Variants in PES1 observed in about 807,000 individuals in gnomAD.
PES1 encodes the protein pescadillo homolog.
Under a neutral mutation model 77.1 loss-of-function variants are expected in PES1, and 31 were observed. The ratio of observed to expected loss-of-function variants is 0.40; its 90% CI spans 0.30 to 0.54. PES1 has a LOEUF of 0.54. Ranked by LOEUF, PES1 falls within the 20% of genes least tolerant of loss-of-function variation. The pLI is 0.45. For synonymous variants in PES1, 282 were observed against 303.0 expected (o/e 0.93, Z 0.72); for missense variants, 658 against 771.7 (o/e 0.85, Z 1.75).
At chr22:30,590,906 A>G (rs763267563) in intron 1 of PES1, among the ~76,000 whole-genome samples, 2 of 152,196 alleles carry the variant, frequency 1.3e-5, no homozygotes, top group Non-Finnish European at 2.9e-5. Context: ...TCCATCTTGT[A>G]TCTTTGCAGT....
intron 6 of PES1, chr22:30,584,118 G>A (rs1403943034): frequency 7.4e-6 from 4 of 544,000 alleles, no homozygotes; most frequent in African/African-American, 3.8e-5. Flanking sequence ...ACTGTTAACT[G>A]AGGCACAGAG....
At chr22:30,597,463 T>C (rs2087272586) in intron 2 of PES1, among the ~76,000 whole-genome samples, 2 of 151,012 alleles carry the variant, frequency 1.3e-5, no homozygotes, top group African/African-American at 4.9e-5. Flanking sequence ...GTTTTGTAAA[T>C]GCACCAATCT....
rs1003882637 is a variant in PES1, at chr22:30,606,808, C to A, written c.-718+1G>T. 1 of 995,158 alleles carries A rather than the reference C, an allele frequency of 1.0e-6. No individual in the cohort carries two copies. The highest frequency in any genetic ancestry group is 1.2e-6 in the Non-Finnish European group (1 of 835,020). 61.6% of individuals were successfully genotyped at this position (995,158 alleles called of 1,614,324 possible). A position where few individuals can be genotyped will look rare whatever the true frequency, so the allele number is the denominator to read the frequency against. ...CAGCTGACTCCAGCAATGCTGCTCA[C>A]GTGACCACTGCAGCTGCAGCTCCCG... On this transcript the variant is annotated splice_donor_variant, in intron 1 of 16. Transcript: ENST00000402281. LOFTEE classifies it low-confidence loss of function (5UTR_SPLICE).
exon 1 of PES1, chr22:30,606,928 A>C: frequency 9.5e-7 from 1 of 1,051,734 alleles, no homozygotes. Flanking sequence ...CCACCACTGG[A>C]ACAGCTGGGG....
chr22:30,592,685 T>C (rs754054443), upstream of PES1, among the ~76,000 whole-genome samples: 2 of 152,092 alleles, frequency 1.3e-5, no homozygotes, highest in African/African-American at 2.4e-5. Context: ...TAATCCCAGC[T>C]ACTCGGGAGG....
chr22:30,592,733 G>GT (rs1232027364), upstream of PES1, among the ~76,000 whole-genome samples: 1 of 152,210 alleles, frequency 6.6e-6, no homozygotes, highest in African/African-American at 2.4e-5. Flanking sequence ...GGAGGCAGAG[G>GT]TTGCAGTGAG....
intron 4 of PES1, chr22:30,585,116 GC>G: frequency 2.6e-6 from 1 of 388,196 alleles, no homozygotes; most frequent in Non-Finnish European, 5.3e-6. Flanking sequence ...GGAAACCGAA[GC>G]TGCCCTGGTG....
chr22:30,579,996 G>A lies in PES1; in HGVS notation c.1169+57C>T, dbSNP rs909450840. On this transcript the variant is annotated intron_variant, in intron 11 of 14. Coordinates refer to ENST00000354694, the MANE Select transcript of PES1 (RefSeq NM_014303.4). ...GGGCAACTCAGGGTCCTGCTGCATC[G>A]CAGGGCCTTTGAGACAGGATACCCA... 8.7e-6 allele frequency: 14 copies of A among 1,611,410 alleles called. No individual in the cohort carries two copies. The Middle Eastern group carries it at 5.0e-4, about 57-fold the overall frequency.
chr22:30,603,824 T>G (rs2087396306), intron 2 of PES1: 1 of 152,222 alleles, frequency 6.6e-6, no homozygotes, highest in Admixed American at 6.5e-5. Context: ...TGGGTTAATT[T>G]TTAGGCTAGT....
chr22:30,587,117 C>T (rs374257617), intron 4 of PES1, 169 bp downstream of exon 4: 9 of 600,944 alleles, frequency 1.5e-5, no homozygotes, highest in African/African-American at 7.4e-5. Flanking sequence ...CTACAAACCT[C>T]GTAATCATTA....
At chr22:30,601,476 C>T (rs1472443355) in intron 2 of PES1, among the ~76,000 whole-genome samples, 3 of 152,042 alleles carry the variant, frequency 2.0e-5, no homozygotes, top group African/African-American at 7.2e-5. Flanking sequence ...CCATGTTTGG[C>T]TCATTTTTGT....
At chr22:30,581,278 G>T (rs2086983066) in intron 8 of PES1, 56 bp downstream of exon 8, 2 of 1,568,358 alleles carry the variant, frequency 1.3e-6, no homozygotes, top group Non-Finnish European at 1.8e-6. Context: ...CAGAGGTGTT[G>T]GGGACAGAGA....
upstream of PES1, chr22:30,592,145 C>A: frequency 5.1e-6 from 6 of 1,180,646 alleles, no homozygotes; most frequent in Non-Finnish European, 6.3e-6. Context: ...GATGACGATT[C>A]ATTGACTGTG....
intron 2 of PES1, chr22:30,604,068 G>A (rs539127058): frequency 1.3e-5 from 2 of 152,164 alleles, no homozygotes; most frequent in African/African-American, 2.4e-5. Context: ...AGGTCTGGAC[G>A]GCAAAGTGGA....
intron 6 of PES1, among the ~76,000 whole-genome samples, chr22:30,583,345 G>C (rs1054206133): frequency 2.6e-5 from 4 of 152,204 alleles, no homozygotes; most frequent in African/African-American, 4.8e-5. Flanking sequence ...CCACCCACAA[G>C]GGATCATAAG....
At chr22:30,605,105 C>T (rs1366031305) in intron 2 of PES1, among the ~76,000 whole-genome samples, 4 of 152,078 alleles carry the variant, frequency 2.6e-5, no homozygotes, top group Non-Finnish European at 1.5e-5. Flanking sequence ...GTGATCCTCC[C>T]ACTTGTAGCC....
At chr22:30,596,743 G>A (rs555218659), upstream of PES1, among the ~76,000 whole-genome samples, 4 of 152,316 alleles carry the variant, frequency 2.6e-5, no homozygotes, top group South Asian at 4.1e-4. Context: ...CCTCGGCCTC[G>A]GCGCCCATTC....
At chr22:30,583,971 G>A (rs933946458) in intron 6 of PES1, among the ~76,000 whole-genome samples, 8 of 152,244 alleles carry the variant, frequency 5.3e-5, no homozygotes, top group Non-Finnish European at 1.0e-4. Flanking sequence ...GTAGGTTCGA[G>A]GGCAGGGCTC....
chr22:30,581,617 T>C lies in PES1; in HGVS notation c.658A>G (p.Met220Val), dbSNP rs1269725829. 5 of 1,552,024 alleles carry C rather than the reference T, an allele frequency of 3.2e-6. No individual in the cohort carries two copies. The highest frequency in any genetic ancestry group is 3.5e-6 in the Non-Finnish European group (4 of 1,154,530). Residue 220 changes from methionine to valine, a missense_variant, in exon 7 of 15, where the codon ATG becomes GTG. Coordinates refer to ENST00000354694, the MANE Select transcript of PES1 (RefSeq NM_014303.4). ...GTGTAGAACTCGGTGAAGGTGGCCA[T>C]GACCCTGTAGTCCACGTCTGTCGGG... ...DHPTDVDYRV[M>V]ATFTEFYTTL...
Sources: allele counts gnomAD v4.1 joint callset (sites outside exome capture counted in the v4.1 genomes callset), GRCh38; gene constraint gnomAD v4.1.1; transcripts MANE v1.5; gene names NCBI Gene and HGNC (gene_info 2026-07-23, HGNC 2026-07-21).